The following KIAA1549 variants were observed in gnomAD, a reference collection of about 807,000 sequenced individuals.
KIAA1549 encodes UPF0606 protein KIAA1549.
Under a neutral mutation model 156.4 loss-of-function variants are expected in KIAA1549, and 70 were observed. The ratio of observed to expected loss-of-function variants is 0.45; its 90% CI spans 0.37 to 0.55. The LOEUF (loss-of-function observed/expected upper bound fraction) is 0.55. KIAA1549 is among the 20% of genes least tolerant of loss of function. KIAA1549 has a pLI of 0.00. For synonymous variants in KIAA1549, 1,103 were observed against 1,066.4 expected (o/e 1.03, Z -0.67); for missense variants, 2,428 against 2,540.9 (o/e 0.96, Z 0.96).
At chr7:138,891,743 G>A (rs1361431152) in intron 10 of KIAA1549, among the ~76,000 whole-genome samples, 1 of 152,134 alleles carries the variant, frequency 6.6e-6, no homozygotes, top group East Asian at 1.9e-4. Context: ...TCAGGAGGTG[G>A]GGAGAGCAGA....
At chr7:138,934,228 C>T (rs1023934437) in intron 1 of KIAA1549, among the ~76,000 whole-genome samples, 2 of 151,836 alleles carry the variant, frequency 1.3e-5, no homozygotes, top group African/African-American at 2.4e-5. Flanking sequence ...AAGGAAGGAA[C>T]GGAACCTGCA....
At chr7:138,867,881 G>T in intron 15 of KIAA1549, 94 bp downstream of exon 15, 1 of 1,331,478 alleles carries the variant, frequency 7.5e-7, no homozygotes, top group East Asian at 2.4e-5. Flanking sequence ...CACACAGGGC[G>T]GCAGCCAGTG....
At chr7:138,939,897 A>T (rs1813125233) in intron 1 of KIAA1549, among the ~76,000 whole-genome samples, 1 of 152,108 alleles carries the variant, frequency 6.6e-6, no homozygotes. Flanking sequence ...CTATAATCTC[A>T]TCACTCTGGC....
intron 15 of KIAA1549, among the ~76,000 whole-genome samples, chr7:138,862,696 C>T (rs1234243584): frequency 1.3e-5 from 2 of 152,004 alleles, no homozygotes; most frequent in East Asian, 3.9e-4. Context: ...TTTGGGAGGC[C>T]GAGATGGGTG....
intron 1 of KIAA1549, 176 bp from the exon 2 acceptor site, chr7:138,919,614 T>A: frequency 9.0e-7 from 1 of 1,110,200 alleles, no homozygotes; most frequent in East Asian, 2.6e-5. Context: ...AGAATTACCA[T>A]CAGGACAATA....
At position 138,880,827 on chromosome 7, in the gene KIAA1549, G is replaced by A. The variant is rs575049182; in HGVS notation, c.4229+561C>T. Among the ~76,000 whole-genome samples, 54 of 152,286 alleles carry A rather than the reference G, an allele frequency of 3.5e-4. No homozygotes were observed. The Middle Eastern group carries it at 0.01, about 29-fold the overall frequency. ...TTTGAGAGGGGGAATGGGGAGCGAG[G>A]CAGGGAGGAGGCGGTGAAGAGTCTT... is the stretch of plus-strand genomic sequence containing the variant. On this transcript the variant is annotated intron_variant, in intron 11 of 19. Coordinates refer to ENST00000422774, the MANE Select transcript of KIAA1549 (RefSeq NM_001164665.2).
intron 1 of KIAA1549, among the ~76,000 whole-genome samples, chr7:138,933,845 A>G (rs543953537): frequency 1.3e-5 from 2 of 152,226 alleles, no homozygotes; most frequent in Non-Finnish European, 2.9e-5. Flanking sequence ...ACGTGCCTGT[A>G]ATCCCAGCTA....
intron 1 of KIAA1549, among the ~76,000 whole-genome samples, chr7:138,975,004 C>T (rs1450347409): frequency 1.3e-5 from 2 of 151,950 alleles, no homozygotes; most frequent in African/African-American, 4.8e-5. Flanking sequence ...CTTCCCAAAC[C>T]TCAATTGTGC....
At position 138,917,135 on chromosome 7, in the gene KIAA1549, C is replaced by T; in HGVS notation, c.2491G>A (p.Ala831Thr). 1.2e-6 allele frequency: 2 copies of T among 1,613,278 alleles called. No homozygotes were observed. Among genetic ancestry groups the T allele is most frequent in the Non-Finnish European group, 1.7e-6 (2 of 1,179,600 alleles). Residue 831 changes from alanine (A) to threonine (T), a missense_variant, in exon 2 of 20, where the codon GCC becomes ACC. Ala to Thr is a moderately conservative substitution (Grantham distance 58). Around this residue, in one of 5 missense-constraint regions of KIAA1549, gnomAD observed 762 missense variants for 901.6 expected, o/e 0.85. Coordinates refer to ENST00000422774, the MANE Select transcript of KIAA1549 (RefSeq NM_001164665.2). The stretch of plus-strand genomic sequence containing the variant: ...ATCAACACCGTACCAGTGGGAATGG[C>T]TTTGGAGAAAGAGGCCAGGACAGAC... ...HVSVLASFSK[A>T]IPTGTVLITD...
At chr7:138,954,320 TAAAG>T (rs1563092142) in intron 1 of KIAA1549, among the ~76,000 whole-genome samples, 1 of 152,064 alleles carries the variant, frequency 6.6e-6, no homozygotes, top group African/African-American at 2.4e-5. Context: ...AGTAAGATAC[TAAAG>T]AAAGAACAGA....
intron 16 of KIAA1549, among the ~76,000 whole-genome samples, chr7:138,856,016 C>CT (rs1315233783): frequency 1.3e-5 from 2 of 151,296 alleles, no homozygotes; most frequent in African/African-American, 4.9e-5. Context: ...CCCCTCATTT[C>CT]TTTTTTTATT....
Position 138,916,863 on chromosome 7 carries a change from C to T in KIAA1549, c.2763G>A (p.Leu921=). The change falls in exon 2 of 20, where the codon CTG becomes CTA. Residue 921 remains leucine, a synonymous_variant. Coordinates refer to ENST00000422774, the MANE Select transcript of KIAA1549 (RefSeq NM_001164665.2). The part of the protein sequence containing the change: ...ESSAAPPLPS[L]RPVTAFTLEA... ...CGAGAGTGAAGGCAGTCACGGGACG[C>T]AGGGATGGCAGGGGAGGAGCAGCAC... The T allele has an allele frequency of 1.2e-6, 2 of 1,613,930 alleles. No individual in the cohort carries two copies. The highest frequency in any genetic ancestry group is 1.7e-6 in the Non-Finnish European group (2 of 1,179,890).
intron 14 of KIAA1549, 108 bp downstream of exon 14, chr7:138,869,430 C>G: frequency 2.4e-6 from 2 of 842,502 alleles, no homozygotes; most frequent in Non-Finnish European, 3.7e-6. Flanking sequence ...GGATGGGGTC[C>G]TTCTGTCACA....
chr7:138,935,927 GAAT>G (rs1292111697), intron 1 of KIAA1549, among the ~76,000 whole-genome samples: 2 of 152,206 alleles, frequency 1.3e-5, no homozygotes, highest in African/African-American at 4.8e-5. Context: ...TGGTTGGAGA[GAAT>G]AATACTAGAA....
chr7:138,887,979 G>A (rs946612617), intron 10 of KIAA1549, among the ~76,000 whole-genome samples: 9 of 152,200 alleles, frequency 5.9e-5, no homozygotes, highest in African/African-American at 1.7e-4. Flanking sequence ...GGAAGAGGAC[G>A]GCAGTGAGAA....
chr7:138,849,092 G>C (rs1447198396), intron 17 of KIAA1549, among the ~76,000 whole-genome samples: 1 of 152,082 alleles, frequency 6.6e-6, no homozygotes, highest in Non-Finnish European at 1.5e-5. Flanking sequence ...GTAAGATCTG[G>C]ATTAATGGGT....
Position 138,834,985 on chromosome 7 carries a change from A to G in KIAA1549, c.*2921T>C, listed in dbSNP as rs1199922970. 2 of 228,220 alleles carry G rather than the reference A, an allele frequency of 8.8e-6. No individual in the cohort carries two copies. The highest frequency in any genetic ancestry group is 5.7e-5 in the Admixed American group (1 of 17,612). The allele number at this position is 228,220 out of a possible 1,614,324, so 14.1% of individuals were successfully genotyped here. ...AAAGTAGTCTCTGAAAAAAAAAAAA[A>G]CAACATTTCTCCAAACATTCTGACT... is the stretch of plus-strand genomic sequence containing the variant. On this transcript the variant is annotated 3_prime_UTR_variant, in exon 20 of 20. Coordinates refer to ENST00000422774, the MANE Select transcript of KIAA1549 (RefSeq NM_001164665.2).
intron 1 of KIAA1549, among the ~76,000 whole-genome samples, chr7:138,933,597 G>A (rs1276903229): frequency 1.3e-5 from 2 of 152,224 alleles, no homozygotes; most frequent in African/African-American, 4.8e-5. Context: ...CATGTAAGAT[G>A]TTATTATTAG....
rs1034072738 is a variant in KIAA1549, at chr7:138,831,555, G to A, written c.*6351C>T. The A allele has an allele frequency of 2.7e-4, 62 of 225,564 alleles. No individual in the cohort carries two copies. In the East Asian group the frequency reaches 4.0e-3, roughly 15 times the overall value. The allele number at this position is 225,564 out of a possible 1,614,324, so 14.0% of individuals were successfully genotyped here. Reference sequence around the variant, plus strand: ...AAACATAAAACCGACAAATAGAAGGGAGGGGCCGATTATTAAATCGTATAC... The same window carrying A: ...AAACATAAAACCGACAAATAGAAGGAAGGGGCCGATTATTAAATCGTATAC... On this transcript the variant is annotated 3_prime_UTR_variant, in exon 20 of 20. Coordinates refer to ENST00000422774, the MANE Select transcript of KIAA1549 (RefSeq NM_001164665.2).
Sources: gnomAD v4.1 joint callset for allele counts (sites outside exome capture counted in the v4.1 genomes callset) on GRCh38, gnomAD v4.1.1 for gene constraint, gnomAD v4.1.1 regional missense constraint, MANE v1.5 for transcripts, NCBI Gene and HGNC (gene_info 2026-07-23, HGNC 2026-07-21) for gene names.